The following MAML3 variants were observed in gnomAD, a reference collection of about 807,000 sequenced individuals.
MAML3 encodes the protein mastermind like transcriptional coactivator 3.
Under a neutral mutation model 101.9 loss-of-function variants are expected in MAML3, and 27 were observed. The observed-to-expected ratio is 0.27, with a 90% CI of 0.20 to 0.37. MAML3 has a LOEUF of 0.37. Ranked by LOEUF, MAML3 falls within the 10% of genes least tolerant of loss-of-function variation. The pLI is 1.00. For missense variants in MAML3, 1,316 were observed against 1,444.9 expected (o/e 0.91, Z 1.45); for synonymous variants, 501 against 555.9 (o/e 0.90, Z 1.39).
chr4:139,893,184 A>G (rs550417315), intron 1 of MAML3, among the ~76,000 whole-genome samples: 87 of 151,958 alleles, frequency 5.7e-4, no homozygotes, highest in African/African-American at 2.0e-3. Flanking sequence ...GGCATTGTCC[A>G]TGTTGTTTTG....
chr4:139,984,965 G>C (rs1734509857), intron 1 of MAML3, among the ~76,000 whole-genome samples: 1 of 152,208 alleles, frequency 6.6e-6, no homozygotes, highest in African/African-American at 2.4e-5. Flanking sequence ...AAATGGAACA[G>C]CAAACACAGA....
intron 2 of MAML3, among the ~76,000 whole-genome samples, chr4:139,859,339 G>C (rs897712768): frequency 6.7e-6 from 1 of 149,628 alleles, no homozygotes; most frequent in African/African-American, 2.5e-5. Flanking sequence ...CAATCCTCCT[G>C]CCGGAGTAGC....
Position 140,071,975 on chromosome 4 carries a change from C to T in MAML3, c.468+80885G>A, listed in dbSNP as rs973589725. On this transcript the variant is annotated intron_variant, in intron 1 of 4. Coordinates refer to ENST00000509479, the MANE Select transcript of MAML3 (RefSeq NM_018717.5). ...CTGAGATATGAACCCATGTGGTGGA[C>T]GTGGGGGAGGAAGGGGGAGAACAGA... Among the ~76,000 whole-genome samples the T allele has an allele frequency of 6.6e-5, 10 of 152,018 alleles. No individual in the cohort carries two copies. In the East Asian group the frequency reaches 7.7e-4, roughly 12 times the overall value.
At chr4:140,094,450 C>T (rs952512421) in intron 1 of MAML3, among the ~76,000 whole-genome samples, 8 of 152,190 alleles carry the variant, frequency 5.3e-5, no homozygotes, top group Non-Finnish European at 8.8e-5. Flanking sequence ...TGTGATGCTG[C>T]GACCGCCAAC....
At chr4:139,946,917 ACACACACACT>A (rs1380312312) in intron 1 of MAML3, among the ~76,000 whole-genome samples, 23 of 141,270 alleles carry the variant, frequency 1.6e-4, no homozygotes, top group African/African-American at 5.2e-4. Flanking sequence ...ACACACACAC[ACACACACACT>A]CTCTCTCTCT....
intron 2 of MAML3, among the ~76,000 whole-genome samples, chr4:139,858,724 C>T (rs533829845): frequency 2.0e-5 from 3 of 152,104 alleles, no homozygotes; most frequent in South Asian, 2.1e-4. Context: ...TGCTCCCGAC[C>T]GCTCTGTGAT....
chr4:140,116,516 G>A (rs980139184), intron 1 of MAML3, among the ~76,000 whole-genome samples: 1 of 152,174 alleles, frequency 6.6e-6, no homozygotes, highest in African/African-American at 2.4e-5. Flanking sequence ...AAATACAAAA[G>A]AGAACACAAG....
intron 2 of MAML3, among the ~76,000 whole-genome samples, chr4:139,813,270 T>C (rs1730836084): frequency 6.6e-6 from 1 of 152,108 alleles, no homozygotes; most frequent in South Asian, 2.1e-4. Context: ...CATAAAATTA[T>C]CAATGAAATC....
chr4:140,039,273 CTGAAGCTTTGGA>C (rs1250530111), intron 1 of MAML3, among the ~76,000 whole-genome samples: 1 of 152,140 alleles, frequency 6.6e-6, no homozygotes, highest in Non-Finnish European at 1.5e-5. Flanking sequence ...GGAAGCATCG[CTGAAGCTTTGGA>C]TGACAGTCCT....
intron 1 of MAML3, among the ~76,000 whole-genome samples, chr4:139,975,916 T>G (rs903867371): frequency 4.6e-5 from 7 of 152,268 alleles, no homozygotes; most frequent in African/African-American, 1.7e-4. Context: ...ATATTCACCA[T>G]GGGAATTAGG....
chr4:140,148,617 G>A (rs868209819), intron 1 of MAML3, among the ~76,000 whole-genome samples: 5 of 152,122 alleles, frequency 3.3e-5, no homozygotes, highest in African/African-American at 4.8e-5. Context: ...TTGGTAATAC[G>A]AGCTTGCCAA....
chr4:139,985,728 G>A (rs1030893219), intron 1 of MAML3, among the ~76,000 whole-genome samples: 1 of 152,218 alleles, frequency 6.6e-6, no homozygotes, highest in Non-Finnish European at 1.5e-5. Flanking sequence ...GGCTCCTTCA[G>A]AGGCACCACA....
At position 139,719,025 on chromosome 4, in the gene MAML3, A is replaced by C; in HGVS notation, c.*298T>G. The C allele has an allele frequency of 2.9e-6, 1 of 347,682 alleles. No individual in the cohort carries two copies. The highest frequency in any genetic ancestry group is 5.5e-5 in the East Asian group (1 of 18,046). 21.5% of individuals were successfully genotyped at this position (347,682 alleles called of 1,614,324 possible). ...CTGCTGGGCCAGGCGATCACAGGGCATGCTGGGCAGAGGGGCTCTGGCCGG... is the reference window on the plus strand; with the variant it reads ...CTGCTGGGCCAGGCGATCACAGGGCCTGCTGGGCAGAGGGGCTCTGGCCGG... On this transcript the variant is annotated 3_prime_UTR_variant, in exon 5 of 5. Transcript: ENST00000509479.
At chr4:139,788,138 T>A (rs1224916169) in intron 2 of MAML3, among the ~76,000 whole-genome samples, 1 of 152,206 alleles carries the variant, frequency 6.6e-6, no homozygotes. Context: ...GTGCTGAGAA[T>A]AAATGATCCT....
intron 1 of MAML3, among the ~76,000 whole-genome samples, chr4:140,048,717 T>C (rs1344045418): frequency 2.0e-5 from 3 of 152,326 alleles, no homozygotes; most frequent in East Asian, 3.9e-4. Flanking sequence ...CACATTTCAC[T>C]TTGTGCTTGC....
At chr4:139,725,051 A>G (rs536605656) in intron 4 of MAML3, among the ~76,000 whole-genome samples, 23 of 152,140 alleles carry the variant, frequency 1.5e-4, no homozygotes, top group African/African-American at 5.5e-4. Context: ...GAGCCACCGC[A>G]CCCGGCCAAG....
Position 140,152,980 on chromosome 4 carries a change from C to A in MAML3, c.348G>T (p.Arg116=), listed in dbSNP as rs1295377419. 6.2e-7 allele frequency: 1 copy of A among 1,610,538 alleles called. No homozygotes were observed. The highest frequency in any genetic ancestry group is 2.2e-5 in the East Asian group (1 of 44,836). ...ATTTCTTGGCCCTCTGCTCCAGGGTCCGCTGGTAGAGGCTCACGGTGTCCC... is the reference window on the plus strand; with the variant it reads ...ATTTCTTGGCCCTCTGCTCCAGGGTACGCTGGTAGAGGCTCACGGTGTCCC... ...ERRDTVSLYQ[R]TLEQRAKKSG... is the part of the protein sequence containing the mutation. The change falls in exon 1 of 5, where the codon CGG becomes CGT. Residue 116 remains arginine (R), a synonymous_variant. Transcript: ENST00000509479.
chr4:140,103,003 C>T (rs1728277890), intron 1 of MAML3, among the ~76,000 whole-genome samples: 2 of 152,108 alleles, frequency 1.3e-5, no homozygotes, highest in African/African-American at 4.8e-5. Context: ...ATTCTGTGGC[C>T]AAAGACTCCC....
intron 1 of MAML3, among the ~76,000 whole-genome samples, chr4:139,893,745 T>C (rs10023511): frequency 0.87 from 131,664 of 152,040 alleles, 57,510 homozygotes; most frequent in Non-Finnish European, 0.93. Flanking sequence ...AGTCCAGTTA[T>C]GAAGTCTTGC....
Sources: gnomAD v4.1 joint callset for allele counts (sites outside exome capture counted in the v4.1 genomes callset) on GRCh38, gnomAD v4.1.1 for gene constraint, MANE v1.5 for transcripts, NCBI Gene and HGNC (gene_info 2026-07-23, HGNC 2026-07-21) for gene names.